Variants in SEMA6D observed in about 807,000 individuals in gnomAD.
The protein encoded by SEMA6D is semaphorin-6D.
Under a neutral mutation model 106.6 loss-of-function variants are expected in SEMA6D, and 35 were observed. That is an observed-to-expected ratio of 0.33 (90% confidence interval 0.25 to 0.44). The LOEUF (loss-of-function observed/expected upper bound fraction) is 0.44, where lower values mean the gene tolerates loss of function less well. Ranked by LOEUF, SEMA6D falls within the 20% of genes least tolerant of loss-of-function variation. The probability of loss-of-function intolerance (pLI) is 1.00; values close to 1 mark genes in which losing one functional copy is unlikely to be tolerated. For missense variants in SEMA6D, 1,185 were observed against 1,345.9 expected (o/e 0.88, Z 1.87); for synonymous variants, 499 against 487.7 (o/e 1.02, Z -0.31).
At chr15:47,218,699 T>C (rs540283590) in intron 1 of SEMA6D, among the ~76,000 whole-genome samples, 7 of 152,186 alleles carry the variant, frequency 4.6e-5, no homozygotes, top group Admixed American at 6.5e-5. Context: ...GCCTTCAACA[T>C]AGGGAACTGG....
intron 1 of SEMA6D, among the ~76,000 whole-genome samples, chr15:47,231,818 T>G (rs1342824308): frequency 6.6e-6 from 1 of 152,034 alleles, no homozygotes; most frequent in Non-Finnish European, 1.5e-5. Context: ...TAAACTCCCT[T>G]TGAAAATTGA....
intron 1 of SEMA6D, among the ~76,000 whole-genome samples, chr15:47,300,087 A>T (rs1226635755): frequency 6.6e-6 from 1 of 152,196 alleles, no homozygotes; most frequent in Non-Finnish European, 1.5e-5. Flanking sequence ...GATTAATCTG[A>T]GCAAACTTGG....
At chr15:47,305,499 C>T (rs1264404688) in intron 1 of SEMA6D, among the ~76,000 whole-genome samples, 1 of 152,164 alleles carries the variant, frequency 6.6e-6, no homozygotes, top group East Asian at 1.9e-4. Context: ...CATTCCTTTC[C>T]TTGGTTACCA....
intron 1 of SEMA6D, among the ~76,000 whole-genome samples, chr15:47,302,563 T>TG (rs1039108614): frequency 6.6e-5 from 10 of 151,976 alleles, no homozygotes; most frequent in African/African-American, 4.8e-5. Flanking sequence ...TCTGGATGAG[T>TG]GGGTGGGTCC....
upstream of SEMA6D, among the ~76,000 whole-genome samples, chr15:47,715,456 C>G (rs2079092554): frequency 6.6e-6 from 1 of 152,126 alleles, no homozygotes; most frequent in Non-Finnish European, 1.5e-5. Flanking sequence ...ATGATAAATG[C>G]TTAAAAGTAA....
chr15:47,335,005 T>A (rs957343398), intron 1 of SEMA6D, among the ~76,000 whole-genome samples: 1 of 152,198 alleles, frequency 6.6e-6, no homozygotes, highest in Non-Finnish European at 1.5e-5. Context: ...CAGATGTGTG[T>A]CTCTCTGAGC....
chr15:47,315,011 G>A (rs994809167), intron 1 of SEMA6D, among the ~76,000 whole-genome samples: 100 of 150,880 alleles, frequency 6.6e-4, no homozygotes, highest in African/African-American at 2.3e-3. Flanking sequence ...GACTACAGGC[G>A]CCCGCCATCA....
At chr15:47,455,203 G>T (rs2042311813) in intron 2 of SEMA6D, among the ~76,000 whole-genome samples, 1 of 151,734 alleles carries the variant, frequency 6.6e-6, no homozygotes, top group South Asian at 2.1e-4. Context: ...AATAACAGGA[G>T]TTGGCAGGAC....
At chr15:47,668,550 C>G (rs1411877224) in intron 4 of SEMA6D, among the ~76,000 whole-genome samples, 1 of 152,200 alleles carries the variant, frequency 6.6e-6, no homozygotes, top group Non-Finnish European at 1.5e-5. Flanking sequence ...TCCCCCTTCT[C>G]TGCTGCATGT....
intron 4 of SEMA6D, among the ~76,000 whole-genome samples, chr15:47,688,595 A>G (rs1435451400): frequency 2.6e-5 from 4 of 152,204 alleles, no homozygotes; most frequent in Non-Finnish European, 4.4e-5. Flanking sequence ...CAAACCTTTA[A>G]GGTATTTTCC....
At chr15:47,230,468 G>A (rs1168919347) in intron 1 of SEMA6D, among the ~76,000 whole-genome samples, 3 of 151,922 alleles carry the variant, frequency 2.0e-5, no homozygotes, top group East Asian at 1.9e-4. Flanking sequence ...TGAGAGTAAC[G>A]ATTTGCCTGT....
chr15:47,763,290 T>C (rs1392390055), intron 9 of SEMA6D, among the ~76,000 whole-genome samples, 186 bp downstream of exon 9: 1 of 152,160 alleles, frequency 6.6e-6, no homozygotes, highest in African/African-American at 2.4e-5. Flanking sequence ...AACAATAACC[T>C]GAGTGGGAAC....
chr15:47,517,251 G>A (rs540757769), intron 3 of SEMA6D, among the ~76,000 whole-genome samples: 9 of 152,128 alleles, frequency 5.9e-5, no homozygotes, highest in Admixed American at 2.0e-4. Context: ...TTACTGCTTT[G>A]AAAACCAGGG....
intron 2 of SEMA6D, among the ~76,000 whole-genome samples, chr15:47,468,564 G>A (rs992226188): frequency 8.5e-5 from 13 of 152,124 alleles, no homozygotes; most frequent in South Asian, 2.1e-4. Flanking sequence ...TACGTGGAGC[G>A]AGTTCACAGC....
chr15:47,288,403 C>T (rs762908293), intron 1 of SEMA6D, among the ~76,000 whole-genome samples: 28 of 152,114 alleles, frequency 1.8e-4, no homozygotes, highest in Non-Finnish European at 4.0e-4. Flanking sequence ...TTGCTTGCTC[C>T]GTTTTACTTA....
chr15:47,527,543 C>T (rs979451278), intron 3 of SEMA6D: 4 of 152,136 alleles, frequency 2.6e-5, no homozygotes, highest in Non-Finnish European at 5.9e-5. Flanking sequence ...GAGATTCTTA[C>T]AGAAAATAAA....
At chr15:47,436,352 T>G (rs1218583829) in intron 2 of SEMA6D, among the ~76,000 whole-genome samples, 3 of 150,776 alleles carry the variant, frequency 2.0e-5, no homozygotes. Flanking sequence ...ATTATGCCAT[T>G]GCACCCCAGC....
At chr15:47,366,446 T>A (rs563276370) in intron 1 of SEMA6D, among the ~76,000 whole-genome samples, 1 of 152,334 alleles carries the variant, frequency 6.6e-6, no homozygotes, top group Admixed American at 6.5e-5. Context: ...GAGATGAGGA[T>A]ATAGTCCCTG....
upstream of SEMA6D, among the ~76,000 whole-genome samples, chr15:47,715,600 G>A (rs1596726261): frequency 1.3e-5 from 2 of 152,278 alleles, no homozygotes; most frequent in South Asian, 4.2e-4. Context: ...AATGTAGACT[G>A]AAAACACGGC....
Sources: gnomAD v4.1 joint callset for allele counts (sites outside exome capture counted in the v4.1 genomes callset) on GRCh38, gnomAD v4.1.1 for gene constraint, MANE v1.5 for transcripts, NCBI Gene and HGNC (gene_info 2026-07-23, HGNC 2026-07-21) for gene names.